The following EXOC6 variants were observed in gnomAD, a reference collection of about 807,000 sequenced individuals.
The protein encoded by EXOC6 is exocyst complex component 6.
Under a neutral mutation model 112.5 loss-of-function variants are expected in EXOC6, and 60 were observed. That is an observed-to-expected ratio of 0.53 (90% confidence interval 0.43 to 0.66). EXOC6 has a LOEUF of 0.66. EXOC6 is among the 30% of genes least tolerant of loss of function. The pLI is 0.00. For synonymous variants in EXOC6, 295 were observed against 308.0 expected (o/e 0.96, Z 0.44); for missense variants, 855 against 957.1 (o/e 0.89, Z 1.41).
intron 20 of EXOC6, among the ~76,000 whole-genome samples, chr10:93,036,213 C>T (rs1011959858): frequency 7.4e-5 from 9 of 121,698 alleles, no homozygotes; most frequent in Non-Finnish European, 1.3e-4. Flanking sequence ...AGTGAAACTC[C>T]ATCTCAAAAA....
chr10:92,870,811 G>C (rs983867854), intron 1 of EXOC6, among the ~76,000 whole-genome samples: 7 of 151,692 alleles, frequency 4.6e-5, no homozygotes, highest in Admixed American at 4.6e-4. Flanking sequence ...CTGGTTCAAA[G>C]CGATTCTCCT....
At chr10:92,842,524 T>C (rs1846895763) in intron 1 of EXOC6, among the ~76,000 whole-genome samples, 1 of 150,150 alleles carries the variant, frequency 6.7e-6, no homozygotes, top group Non-Finnish European at 1.5e-5. Flanking sequence ...GAGAGAAAAA[T>C]CGGACAAGGG....
intron 7 of EXOC6, 48 bp from the exon 8 acceptor site, chr10:92,919,934 G>A: frequency 8.7e-7 from 1 of 1,144,600 alleles, no homozygotes; most frequent in African/African-American, 1.6e-5. Context: ...TCTAATGGTG[G>A]TCTAATAGTT....
At chr10:92,985,972 A>G (rs1182642713) in intron 18 of EXOC6, among the ~76,000 whole-genome samples, 1 of 151,430 alleles carries the variant, frequency 6.6e-6, no homozygotes, top group Non-Finnish European at 1.5e-5. Flanking sequence ...ATATAACCAT[A>G]TATTGTATAT....
intron 1 of EXOC6, among the ~76,000 whole-genome samples, chr10:92,862,675 A>G (rs77006430): frequency 0.018 from 2,684 of 152,294 alleles, 78 homozygotes; most frequent in African/African-American, 0.06. Context: ...TATGTGGGCA[A>G]TACCAAGAAA....
intron 1 of EXOC6, among the ~76,000 whole-genome samples, chr10:92,863,144 T>A (rs12242813): frequency 0.021 from 3,234 of 152,306 alleles, 115 homozygotes; most frequent in African/African-American, 0.075. Context: ...GAGAGTAAAA[T>A]TTCCTATCAG....
At chr10:92,969,171 A>C (rs548925042) in intron 17 of EXOC6, among the ~76,000 whole-genome samples, 2 of 152,124 alleles carry the variant, frequency 1.3e-5, no homozygotes, top group Admixed American at 1.3e-4. Context: ...CATGGAGCAC[A>C]CATGCTTGGA....
chr10:92,948,196 GT>G (rs1853154038), intron 13 of EXOC6, 77 bp from the exon 14 acceptor site: 4 of 889,856 alleles, frequency 4.5e-6, no homozygotes, highest in Middle Eastern at 3.4e-4. Flanking sequence ...AATAGTTGGG[GT>G]TTTTTAAGGT....
rs772412398 is a variant in EXOC6, at chr10:92,928,413, G to T, written c.963G>T (p.Gln321His). 6.3e-7 allele frequency: 1 copy of T among 1,598,750 alleles called. No individual in the cohort carries two copies. The highest frequency in any genetic ancestry group is 8.6e-7 in the Non-Finnish European group (1 of 1,168,118). Residue 321 changes from glutamine to histidine, a missense_variant, in exon 9 of 22, where the codon CAG becomes CAT. Physicochemically the swap from Gln to His is conservative, Grantham distance 24 (BLOSUM62 0). Transcript: ENST00000260762. ...KKQARLVLQP[Q>H]SNMHETVDGY... The stretch of plus-strand genomic sequence containing the variant: ...AAGCAAGACTGGTATTGCAACCCCA[G>T]TCGAATATGGTAAGTATGCGATATT...
At chr10:92,869,328 A>G (rs533303890) in intron 1 of EXOC6, among the ~76,000 whole-genome samples, 1 of 150,280 alleles carries the variant, frequency 6.7e-6, no homozygotes, top group East Asian at 2.0e-4. Context: ...AAAAAAAATG[A>G]GACAGGGTCG....
chr10:92,845,279 G>A (rs545054386), upstream of EXOC6, among the ~76,000 whole-genome samples: 3 of 152,306 alleles, frequency 2.0e-5, no homozygotes, highest in East Asian at 5.8e-4. Context: ...GGGGCTGGGC[G>A]TGGTGGCTCA....
At chr10:92,827,841 C>CTCTG (rs760491278) in intron 1 of EXOC6, among the ~76,000 whole-genome samples, 16 of 152,148 alleles carry the variant, frequency 1.1e-4, no homozygotes, top group Non-Finnish European at 1.6e-4. Flanking sequence ...CAACGCTGAC[C>CTCTG]TCTGGCTCCA....
intron 1 of EXOC6, among the ~76,000 whole-genome samples, chr10:92,889,010 TAAATG>T (rs1849365374): frequency 6.6e-6 from 1 of 152,202 alleles, no homozygotes; most frequent in South Asian, 2.1e-4. Context: ...GTATAAGAAA[TAAATG>T]AAACACTAAA....
chr10:93,005,066 T>A (rs1227853304), intron 19 of EXOC6, among the ~76,000 whole-genome samples: 5 of 152,190 alleles, frequency 3.3e-5, no homozygotes, highest in Non-Finnish European at 7.4e-5. Context: ...ACAGAAAAGG[T>A]CTTTACCCTC....
At chr10:92,846,253 G>GT (rs1847050069), upstream of EXOC6, among the ~76,000 whole-genome samples, 1 of 152,226 alleles carries the variant, frequency 6.6e-6, no homozygotes, top group Non-Finnish European at 1.5e-5. Flanking sequence ...GGAATAAAAG[G>GT]TATCAGGACT....
chr10:92,854,397 A>G (rs4933748), intron 1 of EXOC6, among the ~76,000 whole-genome samples: 68,237 of 151,372 alleles, frequency 0.45, 16,147 homozygotes, highest in African/African-American at 0.58. Context: ...GATTGTGCCA[A>G]TGCACTCCAG....
intron 1 of EXOC6, among the ~76,000 whole-genome samples, chr10:92,862,336 C>T (rs1324028677): frequency 6.6e-6 from 1 of 151,958 alleles, no homozygotes; most frequent in Non-Finnish European, 1.5e-5. Flanking sequence ...TCATGCCCCC[C>T]CCCCATAATT....
intron 19 of EXOC6, among the ~76,000 whole-genome samples, chr10:93,007,602 G>A (rs541560486): frequency 3.3e-5 from 5 of 151,656 alleles, no homozygotes; most frequent in Non-Finnish European, 5.9e-5. Context: ...GCAGTGAGCC[G>A]AGATCACACC....
intron 1 of EXOC6, among the ~76,000 whole-genome samples, chr10:92,829,612 C>A (rs1020315817): frequency 2.6e-5 from 4 of 152,218 alleles, no homozygotes; most frequent in African/African-American, 9.6e-5. Context: ...CAATGAAACA[C>A]ATGAACATGT....
Sources: allele counts gnomAD v4.1 joint callset (sites outside exome capture counted in the v4.1 genomes callset), GRCh38; gene constraint gnomAD v4.1.1; transcripts MANE v1.5; gene names NCBI Gene and HGNC (gene_info 2026-07-23, HGNC 2026-07-21).